BBS4: variants seen among roughly 807,000 people sequenced by gnomAD.
The protein encoded by BBS4 is Bardet-Biedl syndrome 4, also known as BBSome complex member BBS4.
In BBS4, 58 loss-of-function variants were observed where a neutral mutation model predicts 71.4. The observed-to-expected ratio is 0.81, with a 90% CI of 0.66 to 1.01. BBS4 has a LOEUF of 1.01. BBS4 is among the 50% of genes least tolerant of loss of function. BBS4 has a pLI of 0.00. For synonymous variants in BBS4, 228 were observed against 216.8 expected (o/e 1.05, Z -0.46); for missense variants, 660 against 607.9 (o/e 1.09, Z -0.90).
chr15:72,734,564 C>T (rs1169839771), intron 12 of BBS4, among the ~76,000 whole-genome samples: 2 of 152,190 alleles, frequency 1.3e-5, no homozygotes, highest in South Asian at 2.1e-4. Flanking sequence ...TAGATCTCCT[C>T]TTAGGTGCCT....
intron 2 of BBS4, among the ~76,000 whole-genome samples, chr15:72,706,958 G>T (rs562596735): frequency 6.6e-6 from 1 of 152,166 alleles, no homozygotes; most frequent in Non-Finnish European, 1.5e-5. Flanking sequence ...TGGGATTACA[G>T]TTGTGAGCCA....
At chr15:72,700,026 G>GC (rs1283438785) in intron 2 of BBS4, among the ~76,000 whole-genome samples, 2 of 152,108 alleles carry the variant, frequency 1.3e-5, no homozygotes, top group Admixed American at 1.3e-4. Context: ...TGTAACCTCC[G>GC]CCTCCTGGGT....
intron 1 of BBS4, among the ~76,000 whole-genome samples, chr15:72,691,161 T>A (rs370556159): frequency 6.6e-6 from 1 of 152,134 alleles, no homozygotes; most frequent in African/African-American, 2.4e-5. Context: ...TTTGTATATT[T>A]TGTAGAGGCG....
At chr15:72,729,469 C>T (rs35136341) in intron 9 of BBS4, 147 bp from the exon 10 acceptor site, 102,614 of 719,058 alleles carry the variant, frequency 0.14, 11,578 homozygotes, top group East Asian at 0.51. Context: ...AGGCTGGTCT[C>T]GAACTCCTGA....
intron 2 of BBS4, among the ~76,000 whole-genome samples, chr15:72,707,418 ATCTGCCCTCCT>A (rs2065284861): frequency 6.6e-6 from 1 of 151,928 alleles, no homozygotes; most frequent in African/African-American, 2.4e-5. Context: ...GACTCAAATG[ATCTGCCCTCCT>A]CGGTCTCCCA....
intron 4 of BBS4, among the ~76,000 whole-genome samples, chr15:72,713,349 A>ACACACACACACG (rs1555499570): frequency 8.9e-6 from 1 of 112,566 alleles, no homozygotes; most frequent in Non-Finnish European, 1.9e-5. Context: ...ACACACACAC[A>ACACACACACACG]CGCACACGCA....
chr15:72,737,679 A>G lies in BBS4; in HGVS notation c.*92A>G. On this transcript the variant is annotated 3_prime_UTR_variant, in exon 16 of 16. Coordinates refer to ENST00000268057, the MANE Select transcript of BBS4 (RefSeq NM_033028.5). The stretch of plus-strand genomic sequence containing the variant: ...CATGACACAGGCAGAGCAGAGTGGC[A>G]CCCACCACAGAATACAGTGTGTGTT... 1 of 1,012,176 alleles carries G rather than the reference A, an allele frequency of 9.9e-7. No homozygotes were observed. The highest frequency in any genetic ancestry group is 1.5e-6 in the Non-Finnish European group (1 of 668,296). The allele number at this position is 1,012,176 out of a possible 1,614,324, so 62.7% of individuals were successfully genotyped here. A position where few individuals can be genotyped will look rare whatever the true frequency, so the allele number is the denominator to read the frequency against.
chr15:72,714,445 C>A (rs1164767111), intron 4 of BBS4, among the ~76,000 whole-genome samples: 1 of 151,954 alleles, frequency 6.6e-6, no homozygotes, highest in East Asian at 1.9e-4. Flanking sequence ...AGGCTGGTCT[C>A]GAACTCCTGA....
At position 72,713,314 on chromosome 15, in the gene BBS4, G is replaced by GACACACACACACACAC. The variant is rs36072427; in HGVS notation, c.220+1028_220+1043dup. Among the ~76,000 whole-genome samples the GACACACACACACACAC allele has an allele frequency of 1.1e-3, 161 of 143,542 alleles. 1 individual carries two copies. Among genetic ancestry groups the GACACACACACACACAC allele is most frequent in the Non-Finnish European group, 1.5e-3 (96 of 65,962 alleles). The allele number at this position is 143,542 out of a possible 152,430, so 94.2% of individuals were successfully genotyped here. On this transcript the variant is annotated intron_variant, in intron 4 of 15. Coordinates refer to ENST00000268057, the MANE Select transcript of BBS4 (RefSeq NM_033028.5). ...TTTGTGACCCATCTAAGGTCTTTGT[G>GACACACACACACACAC]ACACACACACACACACACACACACA... is the stretch of plus-strand genomic sequence containing the variant.
intron 9 of BBS4, among the ~76,000 whole-genome samples, chr15:72,728,492 T>C (rs1038135593): frequency 4.6e-5 from 7 of 151,584 alleles, no homozygotes; most frequent in African/African-American, 1.7e-4. Context: ...AGCCAGATCC[T>C]GTCTCAGAAA....
At chr15:72,714,989 A>G (rs1474564649) in intron 4 of BBS4, among the ~76,000 whole-genome samples, 1 of 152,224 alleles carries the variant, frequency 6.6e-6, no homozygotes, top group South Asian at 2.1e-4. Context: ...AATGTTGTTA[A>G]TGTGAAGAGT....
chr15:72,692,613 G>GATCTA (rs1446075551), intron 1 of BBS4, among the ~76,000 whole-genome samples: 13 of 149,830 alleles, frequency 8.7e-5, no homozygotes, highest in Middle Eastern at 3.7e-3. Flanking sequence ...ACACCTGGCT[G>GATCTA]TTTGTTTGTT....
intron 13 of BBS4, 195 bp downstream of exon 13, chr15:72,735,377 A>G: frequency 3.2e-6 from 2 of 624,134 alleles, no homozygotes. Flanking sequence ...ACTCTGAGAA[A>G]ATGTTTCCAG....
intron 13 of BBS4, chr15:72,735,572 TCAACCCTGG>T: frequency 1.8e-6 from 1 of 570,752 alleles, no homozygotes; most frequent in Non-Finnish European, 3.1e-6. Context: ...GATCCCTTTT[TCAACCCTGG>T]CCTAGGTAGT....
At chr15:72,731,218 C>A in intron 10 of BBS4, 87 bp from the exon 11 acceptor site, 1 of 1,543,282 alleles carries the variant, frequency 6.5e-7, no homozygotes, top group Non-Finnish European at 8.9e-7. Context: ...TGCTGATGGG[C>A]CTGCTGAGTA....
intron 10 of BBS4, among the ~76,000 whole-genome samples, chr15:72,730,313 TCTG>T (rs2065789894): frequency 1.4e-5 from 2 of 147,808 alleles, no homozygotes; most frequent in Admixed American, 6.7e-5. Flanking sequence ...AAAAAATAAA[TCTG>T]CTGGGCATGG....
intron 1 of BBS4, among the ~76,000 whole-genome samples, chr15:72,688,145 C>G (rs2150987569): frequency 6.6e-6 from 1 of 151,084 alleles, no homozygotes; most frequent in Admixed American, 6.6e-5. Flanking sequence ...AGCTTATCCT[C>G]TAGTGCTCAT....
At chr15:72,717,665 C>G (rs2065491435) in intron 6 of BBS4, among the ~76,000 whole-genome samples, 1 of 152,148 alleles carries the variant, frequency 6.6e-6, no homozygotes, top group Non-Finnish European at 1.5e-5. Flanking sequence ...TCTGGTCACA[C>G]TGCCACTCTA....
chr15:72,710,539 G>A (rs1157022097), intron 3 of BBS4, among the ~76,000 whole-genome samples: 1 of 152,080 alleles, frequency 6.6e-6, no homozygotes, highest in East Asian at 1.9e-4. Flanking sequence ...CTGCAAGGTT[G>A]ATCATCATGT....
Sources: gnomAD v4.1 joint callset for allele counts (sites outside exome capture counted in the v4.1 genomes callset) on GRCh38, gnomAD v4.1.1 for gene constraint, MANE v1.5 for transcripts, NCBI Gene and HGNC (gene_info 2026-07-23, HGNC 2026-07-21) for gene names.